The following NRG1 variants were observed in gnomAD, a reference collection of about 807,000 sequenced individuals.
NRG1 encodes neuregulin 1, also known as pro-neuregulin-1, membrane-bound isoform.
In NRG1, 18 loss-of-function variants were observed where a neutral mutation model predicts 63.8. The ratio of observed to expected loss-of-function variants is 0.28; its 90% CI spans 0.19 to 0.42. The LOEUF is 0.42. Ranked by LOEUF, NRG1 falls within the 10% of genes least tolerant of loss-of-function variation. NRG1 has a pLI of 1.00. For synonymous variants in NRG1, 302 were observed against 301.3 expected, an observed-to-expected ratio of 1.00 and a Z score of -0.02; for missense variants, 762 against 814.7, an observed-to-expected ratio of 0.94 and a Z score of 0.79.
intron 1 of NRG1, among the ~76,000 whole-genome samples, chr8:32,339,316 C>T (rs1276669603): frequency 6.6e-6 from 1 of 152,134 alleles, no homozygotes; most frequent in African/African-American, 2.4e-5. Flanking sequence ...CAGTTCCTCT[C>T]CTTTGCCCCT....
intron 5 of NRG1, among the ~76,000 whole-genome samples, chr8:32,707,092 G>A (rs766521486): frequency 1.1e-4 from 17 of 152,082 alleles, no homozygotes; most frequent in Admixed American, 3.3e-4. Flanking sequence ...AAAGAAAAAT[G>A]TATTTTGTGC....
chr8:32,754,486 T>C lies in NRG1; in HGVS notation c.794+12T>C, dbSNP rs1283564530. On this transcript the variant is annotated intron_variant, in intron 8 of 11. Transcript: ENST00000356819. ...TACTGCAAAACCAAGTAAACCTTCTTTCTCCATGCCTTTCTCTCTCCTTCA... is the reference window on the plus strand; with the variant it reads ...TACTGCAAAACCAAGTAAACCTTCTCTCTCCATGCCTTTCTCTCTCCTTCA... 4 of 1,612,136 alleles carry C rather than the reference T, an allele frequency of 2.5e-6. No individual in the cohort carries two copies. In the South Asian group the frequency reaches 4.4e-5, roughly 18 times the overall value.
At chr8:31,771,073 G>GT (rs1818575803) in intron 1 of NRG1, among the ~76,000 whole-genome samples, 1 of 151,988 alleles carries the variant, frequency 6.6e-6, no homozygotes, top group African/African-American at 2.4e-5. Flanking sequence ...GTATAGATTT[G>GT]TGTAACCACC....
At chr8:32,157,786 C>T (rs1017572665) in intron 1 of NRG1, among the ~76,000 whole-genome samples, 13 of 151,564 alleles carry the variant, frequency 8.6e-5, no homozygotes, top group African/African-American at 2.7e-4. Flanking sequence ...CTTATAATTG[C>T]TATAAATTCA....
intron 2 of NRG1, among the ~76,000 whole-genome samples, chr8:32,597,596 TCAG>T (rs1240820539): frequency 1.3e-5 from 2 of 152,266 alleles, no homozygotes; most frequent in Non-Finnish European, 2.9e-5. Context: ...ATGTAGCAGT[TCAG>T]CAGCACATGG....
chr8:31,800,713 T>C (rs1175868018), intron 1 of NRG1, among the ~76,000 whole-genome samples: 1 of 152,132 alleles, frequency 6.6e-6, no homozygotes. Context: ...CAAAATTTCT[T>C]ATTCTGGAAA....
chr8:32,520,186 G>C (rs1830203344), intron 1 of NRG1, among the ~76,000 whole-genome samples: 1 of 152,008 alleles, frequency 6.6e-6, no homozygotes, highest in Non-Finnish European at 1.5e-5. Context: ...TTTGAGACAG[G>C]GTCTCACTCT....
intron 1 of NRG1, among the ~76,000 whole-genome samples, chr8:32,291,254 C>T (rs1459789790): frequency 6.6e-6 from 1 of 152,154 alleles, no homozygotes; most frequent in African/African-American, 2.4e-5. Context: ...TAAAGCCACC[C>T]TCACAGAAAC....
At chr8:32,052,312 G>A (rs1291390426) in intron 1 of NRG1, among the ~76,000 whole-genome samples, 2 of 92,322 alleles carry the variant, frequency 2.2e-5, no homozygotes, top group African/African-American at 8.4e-5. Flanking sequence ...ATCTTGCTCT[G>A]TTACCCAGGC....
intron 1 of NRG1, among the ~76,000 whole-genome samples, chr8:31,683,821 A>T (rs1462618229): frequency 6.6e-6 from 1 of 152,096 alleles, no homozygotes; most frequent in African/African-American, 2.4e-5. Flanking sequence ...AACTCTCACT[A>T]CTTTCTGTTC....
At chr8:32,700,885 C>G (rs1468790745) in intron 5 of NRG1, among the ~76,000 whole-genome samples, 5 of 152,088 alleles carry the variant, frequency 3.3e-5, no homozygotes, top group African/African-American at 1.2e-4. Context: ...CCCTTTAGAC[C>G]CTTGTCACAC....
chr8:31,961,279 A>G (rs1443317154), intron 1 of NRG1, among the ~76,000 whole-genome samples: 1 of 152,204 alleles, frequency 6.6e-6, no homozygotes, highest in Non-Finnish European at 1.5e-5. Context: ...CATCCAAATC[A>G]GTATAATCAG....
At chr8:32,544,907 T>C (rs1832928538), upstream of NRG1, among the ~76,000 whole-genome samples, 1 of 152,062 alleles carries the variant, frequency 6.6e-6, no homozygotes, top group African/African-American at 2.4e-5. Flanking sequence ...CTCTGCTGAG[T>C]GAGATTTTCT....
intron 1 of NRG1, among the ~76,000 whole-genome samples, chr8:31,709,997 C>T (rs955913638): frequency 3.3e-5 from 5 of 151,536 alleles, no homozygotes; most frequent in African/African-American, 1.2e-4. Flanking sequence ...TTCAGAAACT[C>T]AATTTCCTTA....
intron 5 of NRG1, among the ~76,000 whole-genome samples, chr8:32,722,288 A>G (rs1820862109): frequency 6.6e-6 from 1 of 152,190 alleles, no homozygotes; most frequent in South Asian, 2.1e-4. Flanking sequence ...GCTAATTGTC[A>G]AAGAAGAATA....
At chr8:31,888,886 G>C (rs1830929575) in intron 1 of NRG1, among the ~76,000 whole-genome samples, 2 of 152,018 alleles carry the variant, frequency 1.3e-5, no homozygotes, top group African/African-American at 2.4e-5. Flanking sequence ...ATTAAAATTT[G>C]AATAAGGCAT....
intron 1 of NRG1, among the ~76,000 whole-genome samples, chr8:32,430,964 CA>C (rs1357212266): frequency 8.5e-5 from 13 of 152,086 alleles, no homozygotes; most frequent in Non-Finnish European, 1.8e-4. Flanking sequence ...CTAGAGATGT[CA>C]CCATAATAAT....
intron 1 of NRG1, among the ~76,000 whole-genome samples, chr8:31,725,899 T>C (rs1449642345): frequency 1.3e-5 from 2 of 152,152 alleles, no homozygotes; most frequent in African/African-American, 2.4e-5. Flanking sequence ...TCGCTGTAAT[T>C]GTATTGAAGA....
chr8:32,764,236 C>A (rs577196593), exon 12 of NRG1: 1 of 1,614,128 alleles, frequency 6.2e-7, no homozygotes, highest in Non-Finnish European at 8.5e-7. Flanking sequence ...GGTGAAGATA[C>A]GCCTTTCCTG....
Sources: gnomAD v4.1 joint callset for allele counts (sites outside exome capture counted in the v4.1 genomes callset) on GRCh38, gnomAD v4.1.1 for gene constraint, MANE v1.5 for transcripts, NCBI Gene and HGNC (gene_info 2026-07-23, HGNC 2026-07-21) for gene names.